The following KCNQ5 variants were observed in gnomAD, a reference collection of about 807,000 sequenced individuals.
KCNQ5 encodes potassium voltage-gated channel subfamily Q member 5, also known as potassium voltage-gated channel subfamily KQT member 5.
In KCNQ5, 30 loss-of-function variants were observed where a neutral mutation model predicts 98.2. The observed-to-expected ratio is 0.31, with a 90% CI of 0.23 to 0.41. The LOEUF (loss-of-function observed/expected upper bound fraction) is 0.41, where lower values mean the gene tolerates loss of function less well. Among genes scored for constraint, KCNQ5 ranks in the 10% least tolerant of loss-of-function variants. KCNQ5 has a pLI of 1.00. For missense variants in KCNQ5, 835 were observed against 1,182.5 expected (o/e 0.71, Z 4.31); for synonymous variants, 458 against 449.4 (o/e 1.02, Z -0.24).
intron 2 of KCNQ5, among the ~76,000 whole-genome samples, chr6:73,029,735 C>A (rs528013980): frequency 6.6e-6 from 1 of 151,260 alleles, no homozygotes; most frequent in Non-Finnish European, 1.5e-5. Context: ...AGATCGAGAC[C>A]ATCCTGCCTA....
chr6:72,934,347 G>A (rs997790491), intron 1 of KCNQ5, among the ~76,000 whole-genome samples: 1 of 152,186 alleles, frequency 6.6e-6, no homozygotes, highest in African/African-American at 2.4e-5. Flanking sequence ...TAATGATGTT[G>A]ATGACGGTGG....
chr6:72,763,033 A>G (rs1772368842), intron 1 of KCNQ5, among the ~76,000 whole-genome samples: 1 of 152,060 alleles, frequency 6.6e-6, no homozygotes, highest in Non-Finnish European at 1.5e-5. Context: ...TGTTTTCATA[A>G]ATAAAAATTT....
In KCNQ5 at chr6:72,895,652, A is replaced by G. The variant is rs149511977; in HGVS notation, c.399-108256A>G. On this transcript the variant is annotated intron_variant, in intron 1 of 13. Transcript: ENST00000370398. ...TGAGGAATATGTATAATATATATTC[A>G]ACATATATATTATTTAGAGTCAACA... Among the ~76,000 whole-genome samples, 131 of 149,642 alleles carry G rather than the reference A, an allele frequency of 8.8e-4. 1 individual carries two copies. Among genetic ancestry groups the G allele is most frequent in the African/African-American group, 2.9e-3 (118 of 41,090 alleles).
chr6:73,082,458 A>T (rs550384419), intron 5 of KCNQ5, among the ~76,000 whole-genome samples: 1 of 152,212 alleles, frequency 6.6e-6, no homozygotes, highest in Non-Finnish European at 1.5e-5. Context: ...TTTTTATAAT[A>T]AAAATGTAAT....
chr6:72,813,966 G>C (rs1386023031), intron 1 of KCNQ5, among the ~76,000 whole-genome samples: 2 of 152,112 alleles, frequency 1.3e-5, no homozygotes, highest in African/African-American at 4.8e-5. Context: ...CTATGAGTTG[G>C]TTATTCTGGG....
chr6:72,803,944 T>G (rs1774809018), intron 1 of KCNQ5, among the ~76,000 whole-genome samples: 1 of 152,274 alleles, frequency 6.6e-6, no homozygotes, highest in African/African-American at 2.4e-5. Flanking sequence ...TAGCAAATTA[T>G]AAAACATAGA....
At chr6:73,028,348 A>G (rs1218216709) in intron 2 of KCNQ5, among the ~76,000 whole-genome samples, 1 of 152,150 alleles carries the variant, frequency 6.6e-6, no homozygotes, top group African/African-American at 2.4e-5. Flanking sequence ...AGCACGGATG[A>G]AAAAGGGGAT....
At chr6:72,750,903 T>A (rs1327519817) in intron 1 of KCNQ5, among the ~76,000 whole-genome samples, 1 of 152,034 alleles carries the variant, frequency 6.6e-6, no homozygotes, top group African/African-American at 2.4e-5. Flanking sequence ...TTGACATACT[T>A]AATGAGTTTC....
At chr6:72,763,344 A>G (rs1393540548) in intron 1 of KCNQ5, among the ~76,000 whole-genome samples, 5 of 152,052 alleles carry the variant, frequency 3.3e-5, no homozygotes, top group African/African-American at 9.7e-5. Context: ...ATTTAAAAGA[A>G]ACAGTGTGGG....
intron 1 of KCNQ5, among the ~76,000 whole-genome samples, chr6:72,998,712 G>C (rs1769422207): frequency 6.6e-6 from 1 of 151,766 alleles, no homozygotes; most frequent in South Asian, 2.1e-4. Flanking sequence ...ACTCCAGCCT[G>C]GGCGACAGAG....
At chr6:72,671,389 C>T (rs1767095806) in intron 1 of KCNQ5, among the ~76,000 whole-genome samples, 2 of 152,146 alleles carry the variant, frequency 1.3e-5, no homozygotes, top group South Asian at 4.1e-4. Context: ...AAGGATTTCT[C>T]ATAGTTATGC....
rs1779276275 is a variant in KCNQ5 at position 72,896,955 on chromosome 6, G to C, written c.399-106953G>C. On this transcript the variant is annotated intron_variant, in intron 1 of 13. Transcript: ENST00000370398. ...TTGTTTGTTTGTTGGTTGGTTGGTTGGTTGGTTGGTTTTTTGTTTTTTTCT... is the reference window on the plus strand; with the variant it reads ...TTGTTTGTTTGTTGGTTGGTTGGTTCGTTGGTTGGTTTTTTGTTTTTTTCT... Among the ~76,000 whole-genome samples, 3 of 151,986 alleles carry C rather than the reference G, an allele frequency of 2.0e-5. No individual in the cohort carries two copies. In the South Asian group the frequency reaches 6.2e-4, roughly 32 times the overall value.
At chr6:72,815,478 G>A (rs1775461895) in intron 1 of KCNQ5, among the ~76,000 whole-genome samples, 1 of 152,176 alleles carries the variant, frequency 6.6e-6, no homozygotes, top group African/African-American at 2.4e-5. Flanking sequence ...AGCAAGGTGA[G>A]AAGATTCAGG....
At chr6:72,860,515 C>T (rs1777720141) in intron 1 of KCNQ5, among the ~76,000 whole-genome samples, 1 of 152,048 alleles carries the variant, frequency 6.6e-6, no homozygotes, top group Non-Finnish European at 1.5e-5. Context: ...TAGAAATGTT[C>T]TGAGGATTCT....
intron 1 of KCNQ5, among the ~76,000 whole-genome samples, chr6:72,899,300 T>C (rs1383653359): frequency 1.3e-5 from 2 of 152,224 alleles, no homozygotes; most frequent in East Asian, 1.9e-4. Context: ...AACTTGTACA[T>C]GTACCAATAT....
intron 3 of KCNQ5, among the ~76,000 whole-genome samples, chr6:73,048,568 C>T (rs1772074592): frequency 6.6e-6 from 1 of 152,124 alleles, no homozygotes; most frequent in African/African-American, 2.4e-5. Flanking sequence ...TTATGAACAG[C>T]AGCATTAATC....
chr6:73,069,968 G>A (rs1258684474), intron 3 of KCNQ5, among the ~76,000 whole-genome samples: 1 of 152,138 alleles, frequency 6.6e-6, no homozygotes, highest in African/African-American at 2.4e-5. Context: ...AGCGTAGCCT[G>A]AACTAAGGAG....
At chr6:72,701,025 C>T (rs1357332223) in intron 1 of KCNQ5, among the ~76,000 whole-genome samples, 5 of 152,208 alleles carry the variant, frequency 3.3e-5, no homozygotes, top group Non-Finnish European at 7.3e-5. Context: ...TGTAGACATG[C>T]AACAGCAACA....
intron 1 of KCNQ5, among the ~76,000 whole-genome samples, chr6:72,976,634 G>T (rs1417682822): frequency 2.6e-5 from 4 of 152,152 alleles, no homozygotes; most frequent in Admixed American, 1.3e-4. Context: ...TCATTAGCAT[G>T]GTAGCCAGGT....
Sources: allele counts gnomAD v4.1 joint callset (sites outside exome capture counted in the v4.1 genomes callset), GRCh38; gene constraint gnomAD v4.1.1; transcripts MANE v1.5; gene names NCBI Gene and HGNC (gene_info 2026-07-23, HGNC 2026-07-21).